KCTD8: variants seen among roughly 807,000 people sequenced by gnomAD.
KCTD8 encodes potassium channel tetramerization domain containing 8, also known as BTB/POZ domain-containing protein KCTD8.
A neutral mutation model predicts 31.5 loss-of-function variants in KCTD8; 27 were observed. The observed-to-expected ratio is 0.86, with a 90% CI of 0.63 to 1.18. The LOEUF is 1.18. Ranked by LOEUF, KCTD8 falls within the 50% of genes most tolerant of loss-of-function variation. KCTD8 has a pLI of 0.00. For synonymous variants in KCTD8, 290 were observed against 280.0 expected (o/e 1.04, Z -0.36); for missense variants, 658 against 647.7 (o/e 1.02, Z -0.17).
At chr4:44,392,781 C>T (rs1006142532) in intron 1 of KCTD8, among the ~76,000 whole-genome samples, 7 of 151,960 alleles carry the variant, frequency 4.6e-5, no homozygotes, top group African/African-American at 9.7e-5. Context: ...TTGGCTTACA[C>T]GCAGAGAACA....
intron 1 of KCTD8, among the ~76,000 whole-genome samples, chr4:44,369,207 T>C (rs1719719685): frequency 6.6e-6 from 1 of 152,204 alleles, no homozygotes; most frequent in Non-Finnish European, 1.5e-5. Flanking sequence ...CTGTAATTGA[T>C]TGGACAGAGA....
chr4:44,412,008 G>A (rs773639403), intron 1 of KCTD8, among the ~76,000 whole-genome samples: 1 of 152,094 alleles, frequency 6.6e-6, no homozygotes, highest in Non-Finnish European at 1.5e-5. Flanking sequence ...AATCTACTAC[G>A]CATGGATTAC....
intron 1 of KCTD8, among the ~76,000 whole-genome samples, chr4:44,422,514 A>T (rs1721239724): frequency 6.6e-6 from 1 of 152,104 alleles, no homozygotes; most frequent in Admixed American, 6.6e-5. Flanking sequence ...TTACATCTGG[A>T]GTAGAGCTAA....
intron 1 of KCTD8, among the ~76,000 whole-genome samples, chr4:44,361,986 A>G (rs1332489712): frequency 2.6e-5 from 4 of 152,148 alleles, no homozygotes; most frequent in African/African-American, 9.6e-5. Flanking sequence ...GGGTCATTTT[A>G]GGCTGTTTAC....
At chr4:44,430,519 T>C (rs1721478175) in intron 1 of KCTD8, among the ~76,000 whole-genome samples, 1 of 151,688 alleles carries the variant, frequency 6.6e-6, no homozygotes, top group African/African-American at 2.4e-5. Flanking sequence ...TATGTGTACA[T>C]AGCATATGGC....
chr4:44,230,521 C>T (rs990510826), intron 1 of KCTD8, among the ~76,000 whole-genome samples: 2 of 152,124 alleles, frequency 1.3e-5, no homozygotes, highest in African/African-American at 2.4e-5. Flanking sequence ...TTCACCATTT[C>T]CCATCATCTT....
rs199714181 is a variant in KCTD8, at chr4:44,448,571, G to T, written c.-48C>A. The T allele has an allele frequency of 0.016, 21,680 of 1,392,760 alleles. 198 individuals are homozygous for T. The highest frequency in any genetic ancestry group is 0.018 in the Non-Finnish European group (19,179 of 1,077,358). 86.3% of individuals were successfully genotyped at this position (1,392,760 alleles called of 1,614,324 possible). A position where few individuals can be genotyped will look rare whatever the true frequency, so the allele number is the denominator to read the frequency against. On this transcript the variant is annotated 5_prime_UTR_variant, in exon 1 of 2. Transcript: ENST00000360029. The surrounding 1 kb of genome is among the most constrained non-coding windows in gnomAD (Gnocchi z 4.1). ...TGACCCGAGAGAGCTGCACTTTCTC[G>T]TTCCCGGAGCCCGCGCCCCAGCCCT...
intron 1 of KCTD8, among the ~76,000 whole-genome samples, chr4:44,370,969 C>G (rs1273859423): frequency 6.6e-6 from 1 of 151,886 alleles, no homozygotes; most frequent in African/African-American, 2.4e-5. Flanking sequence ...GATATGGAAG[C>G]CATGAAGCCC....
At chr4:44,426,492 A>G (rs964231192) in intron 1 of KCTD8, among the ~76,000 whole-genome samples, 1 of 151,818 alleles carries the variant, frequency 6.6e-6, no homozygotes, top group African/African-American at 2.4e-5. Context: ...GAGAGATAAT[A>G]GAAATAACCA....
At chr4:44,319,391 G>A (rs767163104) in intron 1 of KCTD8, among the ~76,000 whole-genome samples, 3 of 151,734 alleles carry the variant, frequency 2.0e-5, no homozygotes, top group African/African-American at 7.3e-5. Flanking sequence ...AATGTATAGC[G>A]AAGGAAGCAG....
chr4:44,444,948 G>A (rs1721904501), intron 1 of KCTD8, among the ~76,000 whole-genome samples: 1 of 151,652 alleles, frequency 6.6e-6, no homozygotes, highest in South Asian at 2.1e-4. Flanking sequence ...AATATTTGCT[G>A]AAAAAAAGGG....
chr4:44,318,322 C>T (rs1577613064), intron 1 of KCTD8, among the ~76,000 whole-genome samples: 1 of 152,258 alleles, frequency 6.6e-6, no homozygotes, highest in South Asian at 2.1e-4. Context: ...CCTCAAACTT[C>T]TAGGTTCAAG....
At chr4:44,275,525 C>T (rs1716728360) in intron 1 of KCTD8, among the ~76,000 whole-genome samples, 1 of 151,976 alleles carries the variant, frequency 6.6e-6, no homozygotes. Flanking sequence ...TTTTAGTCAT[C>T]TATAAACTGT....
intron 1 of KCTD8, among the ~76,000 whole-genome samples, chr4:44,267,078 C>G (rs1356963006): frequency 6.6e-6 from 1 of 152,166 alleles, no homozygotes; most frequent in Non-Finnish European, 1.5e-5. Flanking sequence ...CACCCCAAAT[C>G]AACAGAATAT....
In KCTD8 at chr4:44,174,912, G is replaced by A; in HGVS notation, c.1300C>T (p.Leu434=). 1 of 1,614,018 alleles carries A rather than the reference G, an allele frequency of 6.2e-7. No individual in the cohort carries two copies. Among genetic ancestry groups the A allele is most frequent in the Non-Finnish European group, 8.5e-7 (1 of 1,179,980 alleles). Residue 434 remains leucine, a synonymous_variant, in exon 2 of 2, where the codon CTA becomes TTA. Transcript: ENST00000360029. ...NLSKKKVCEK[L]SVEEEMKKCI... ...TTTTTCATTTCTTCTTCCACACTTAGCTTCTCACAGACTTTCTTTTTGGAC... is the reference window on the plus strand; with the variant it reads ...TTTTTCATTTCTTCTTCCACACTTAACTTCTCACAGACTTTCTTTTTGGAC...
At chr4:44,390,499 C>A (rs893526620) in intron 1 of KCTD8, among the ~76,000 whole-genome samples, 3 of 151,754 alleles carry the variant, frequency 2.0e-5, no homozygotes, top group Non-Finnish European at 4.4e-5. Flanking sequence ...GGTCTATGTG[C>A]CTATTTTTAT....
chr4:44,321,018 C>T (rs997968911), intron 1 of KCTD8, among the ~76,000 whole-genome samples: 17 of 152,126 alleles, frequency 1.1e-4, no homozygotes, highest in African/African-American at 3.9e-4. Context: ...GTTTTACATG[C>T]CGAGAATCTG....
At chr4:44,320,602 T>A (rs1336220987) in intron 1 of KCTD8, among the ~76,000 whole-genome samples, 2 of 152,170 alleles carry the variant, frequency 1.3e-5, no homozygotes, top group Non-Finnish European at 2.9e-5. Context: ...AAATAAAGCA[T>A]TTTTATTTTA....
chr4:44,333,110 C>A (rs1383468893), intron 1 of KCTD8, among the ~76,000 whole-genome samples: 2 of 152,048 alleles, frequency 1.3e-5, no homozygotes, highest in Non-Finnish European at 2.9e-5. Flanking sequence ...ACTGATCACA[C>A]TAGTTCCTTC....
Sources: allele counts gnomAD v4.1 joint callset (sites outside exome capture counted in the v4.1 genomes callset), GRCh38; gene constraint gnomAD v4.1.1; non-coding constraint Gnocchi (gnomAD v3.1); transcripts MANE v1.5; gene names NCBI Gene and HGNC (gene_info 2026-07-23, HGNC 2026-07-21).